Variants in TMEM182 observed in about 807,000 individuals in gnomAD.
The protein encoded by TMEM182 is transmembrane protein 182.
Under a neutral mutation model 26.8 loss-of-function variants are expected in TMEM182, and 20 were observed. That is an observed-to-expected ratio of 0.75 (90% CI 0.53 to 1.09). The LOEUF is 1.09. TMEM182 is among the 50% of genes least tolerant of loss of function. The pLI is 0.00. For missense variants in TMEM182, 277 were observed against 275.5 expected, an observed-to-expected ratio of 1.01 and a Z score of -0.04; for synonymous variants, 109 against 102.2, an observed-to-expected ratio of 1.07 and a Z score of -0.40.
intron 3 of TMEM182, among the ~76,000 whole-genome samples, chr2:102,781,215 G>T (rs1180103275): frequency 2.6e-5 from 4 of 152,234 alleles, no homozygotes; most frequent in African/African-American, 9.6e-5. Context: ...CAGCTGACTG[G>T]ATTGACTGAT....
At chr2:102,737,314 T>G (rs1353647730) in intron 1 of TMEM182, among the ~76,000 whole-genome samples, 1 of 152,236 alleles carries the variant, frequency 6.6e-6, no homozygotes, top group African/African-American at 2.4e-5. Context: ...TACACATGCT[T>G]CTTAAGATCC....
chr2:102,815,755 G>T lies in TMEM182; in HGVS notation c.*787G>T. 8 of 942,422 alleles carry T rather than the reference G, an allele frequency of 8.5e-6. No homozygotes were observed. Among genetic ancestry groups the T allele is most frequent in the South Asian group, 9.8e-5 (2 of 20,322 alleles). The allele number at this position is 942,422 out of a possible 1,614,324, so 58.4% of individuals were successfully genotyped here. A position where few individuals can be genotyped will look rare whatever the true frequency, so the allele number is the denominator to read the frequency against. On this transcript the variant is annotated 3_prime_UTR_variant, in exon 5 of 5. Transcript: ENST00000412401. ...AAATATGTAAAAACCAAGCATTTCC[G>T]CTTGGTCCATAATTCTATTTGATAT...
rs1268594966 is a variant in TMEM182 at position 102,814,798 on chromosome 2, G to T, written c.520G>T (p.Val174Leu). 1.9e-6 allele frequency: 3 copies of T among 1,613,858 alleles called. No homozygotes were observed. In the South Asian group the frequency reaches 3.3e-5, roughly 18 times the overall value. ...VMLYVIWVQA[V>L]ADMESYRNMK... Reference sequence around the variant, plus strand: ...GCTGTATGTCATCTGGGTCCAGGCAGTGGCTGACATGGAAAGCTACCGAAA... The same window carrying T: ...GCTGTATGTCATCTGGGTCCAGGCATTGGCTGACATGGAAAGCTACCGAAA... The change falls in exon 5 of 5, where the codon GTG becomes TTG. Residue 174 changes from valine (V) to leucine (L), a missense_variant. Val to Leu is a conservative substitution (Grantham distance 32). Transcript: ENST00000412401.
intron 3 of TMEM182, among the ~76,000 whole-genome samples, chr2:102,781,279 C>A (rs1337614616): frequency 2.6e-5 from 4 of 151,444 alleles, no homozygotes; most frequent in African/African-American, 9.7e-5. Context: ...TCTTTTTTGT[C>A]CTTAGCAATT....
intron 4 of TMEM182, among the ~76,000 whole-genome samples, chr2:102,812,179 G>A (rs1376499525): frequency 6.6e-6 from 1 of 151,930 alleles, no homozygotes; most frequent in Non-Finnish European, 1.5e-5. Context: ...CTATTTCCTG[G>A]CAGTCAGAAA....
At chr2:102,794,316 T>A (rs923474646) in intron 3 of TMEM182, among the ~76,000 whole-genome samples, 9 of 152,336 alleles carry the variant, frequency 5.9e-5, no homozygotes, top group Non-Finnish European at 1.0e-4. Context: ...GCTGATTTTT[T>A]AAATTTTAAC....
At chr2:102,771,738 C>T (rs1183498206) in intron 3 of TMEM182, among the ~76,000 whole-genome samples, 2 of 152,180 alleles carry the variant, frequency 1.3e-5, no homozygotes, top group Non-Finnish European at 2.9e-5. Context: ...TCTCCTCTCA[C>T]GCTAGGAACT....
chr2:102,785,245 C>G (rs1209522507), intron 3 of TMEM182, among the ~76,000 whole-genome samples: 1 of 152,138 alleles, frequency 6.6e-6, no homozygotes, highest in African/African-American at 2.4e-5. Flanking sequence ...CTCCTCAGTC[C>G]CCTTTCTTCT....
intron 1 of TMEM182, among the ~76,000 whole-genome samples, chr2:102,750,366 C>T (rs1558751542): frequency 6.6e-6 from 1 of 152,140 alleles, no homozygotes; most frequent in Non-Finnish European, 1.5e-5. Flanking sequence ...TATGTGCCTC[C>T]CATGGTTGTA....
At chr2:102,737,778 G>A (rs13400588) in intron 1 of TMEM182, among the ~76,000 whole-genome samples, 1,625 of 152,324 alleles carry the variant, frequency 0.011, 35 homozygotes, top group African/African-American at 0.037. Flanking sequence ...CACATGGTAA[G>A]TAATAAATGT....
At chr2:102,738,348 A>G (rs1679428242) in intron 1 of TMEM182, among the ~76,000 whole-genome samples, 1 of 152,176 alleles carries the variant, frequency 6.6e-6, no homozygotes, top group Non-Finnish European at 1.5e-5. Flanking sequence ...TAATCCCAGG[A>G]CTTTGGGAAG....
downstream of TMEM182, among the ~76,000 whole-genome samples, chr2:102,822,433 T>G (rs1682941315): frequency 1.3e-5 from 2 of 152,156 alleles, no homozygotes; most frequent in Admixed American, 1.3e-4. Flanking sequence ...CCAGTGGTGC[T>G]GAGGGGATGA....
At chr2:102,822,066 C>T (rs909594595), downstream of TMEM182, among the ~76,000 whole-genome samples, 5 of 151,730 alleles carry the variant, frequency 3.3e-5, no homozygotes, top group African/African-American at 9.7e-5. Flanking sequence ...ATGATAATTG[C>T]ACATTGTATA....
intron 3 of TMEM182, among the ~76,000 whole-genome samples, chr2:102,837,183 C>A (rs1446078880): frequency 1.3e-5 from 2 of 152,094 alleles, no homozygotes; most frequent in Non-Finnish European, 2.9e-5. Context: ...TTAGTTCCAA[C>A]CCAATTCTAT....
intron 3 of TMEM182, among the ~76,000 whole-genome samples, chr2:102,792,746 T>C (rs942471571): frequency 3.9e-5 from 6 of 152,152 alleles, no homozygotes; most frequent in Non-Finnish European, 2.9e-5. Flanking sequence ...TGGGAGGCTA[T>C]TTCTATGTGA....
At position 102,816,251 on chromosome 2, in the gene TMEM182, G is replaced by A. The variant is rs1306105116; in HGVS notation, c.*1283G>A. On this transcript the variant is annotated 3_prime_UTR_variant, in exon 5 of 5. Coordinates refer to ENST00000412401, the MANE Select transcript of TMEM182 (RefSeq NM_144632.5). ...CTCGGCAGGGTATGTGAGCTTTGTT[G>A]GAGGTGCGGTGTTTCATTCTGCAGC... The A allele has an allele frequency of 1.0e-6, 1 of 985,366 alleles. No individual in the cohort carries two copies. The highest frequency in any genetic ancestry group is 1.1e-4 in the East Asian group (1 of 8,806). 61.0% of individuals were successfully genotyped at this position (985,366 alleles called of 1,614,324 possible).
intron 2 of TMEM182, among the ~76,000 whole-genome samples, chr2:102,763,331 A>G (rs1307418039): frequency 1.3e-5 from 2 of 152,194 alleles, no homozygotes; most frequent in East Asian, 1.9e-4. Context: ...TATTCTTTAT[A>G]TTGAATTAAT....
At chr2:102,772,652 C>G (rs1047968301) in intron 3 of TMEM182, among the ~76,000 whole-genome samples, 1 of 152,158 alleles carries the variant, frequency 6.6e-6, no homozygotes, top group Non-Finnish European at 1.5e-5. Context: ...CCTTCATCAC[C>G]TGGTGCCATC....
chr2:102,780,865 C>G (rs1263196966), intron 3 of TMEM182, among the ~76,000 whole-genome samples: 1 of 152,206 alleles, frequency 6.6e-6, no homozygotes, highest in Non-Finnish European at 1.5e-5. Flanking sequence ...TTTGCCTTGG[C>G]ATGCTATCCT....
Sources: allele counts gnomAD v4.1 joint callset (sites outside exome capture counted in the v4.1 genomes callset), GRCh38; gene constraint gnomAD v4.1.1; transcripts MANE v1.5; gene names NCBI Gene and HGNC (gene_info 2026-07-23, HGNC 2026-07-21).